Variants in LRBA observed in about 807,000 individuals in gnomAD.
The protein encoded by LRBA is lipopolysaccharide-responsive and beige-like anchor protein.
Under a neutral mutation model 330.0 loss-of-function variants are expected in LRBA, and 176 were observed. The ratio of observed to expected loss-of-function variants is 0.53; its 90% CI spans 0.47 to 0.60. The LOEUF (loss-of-function observed/expected upper bound fraction) is 0.60. Ranked by LOEUF, LRBA falls within the 20% of genes least tolerant of loss-of-function variation. LRBA has a pLI of 0.00. For missense variants in LRBA, 3,259 were observed against 3,444.8 expected (o/e 0.95, Z 1.35); for synonymous variants, 1,230 against 1,193.0 (o/e 1.03, Z -0.64).
At chr4:150,539,560 T>C (rs952108935) in intron 40 of LRBA, among the ~76,000 whole-genome samples, 1 of 152,216 alleles carries the variant, frequency 6.6e-6, no homozygotes, top group Non-Finnish European at 1.5e-5. Flanking sequence ...AGTAGTCTTA[T>C]AAAGTCGAAA....
chr4:150,457,673 T>A (rs556145147), intron 44 of LRBA, among the ~76,000 whole-genome samples: 1 of 151,754 alleles, frequency 6.6e-6, no homozygotes, highest in East Asian at 1.9e-4. Flanking sequence ...TAAAAAAAAA[T>A]AGCCAAATCA....
At chr4:150,756,089 T>G (rs1734258932) in intron 35 of LRBA, among the ~76,000 whole-genome samples, 1 of 150,640 alleles carries the variant, frequency 6.6e-6, no homozygotes, top group South Asian at 2.1e-4. Flanking sequence ...GGATTTGCAC[T>G]TATTTTTCAA....
chr4:150,472,756 T>C (rs77369615), intron 42 of LRBA, among the ~76,000 whole-genome samples: 3,880 of 152,222 alleles, frequency 0.025, 152 homozygotes, highest in African/African-American at 0.088. Context: ...TGTAGTCTTT[T>C]GTGTCAGGTT....
chr4:150,944,957 A>G (rs1736087057), intron 2 of LRBA, among the ~76,000 whole-genome samples: 2 of 152,222 alleles, frequency 1.3e-5, no homozygotes. Context: ...CCTGCCGCAT[A>G]TAAGACGTGC....
At chr4:150,912,550 C>T (rs1230602306) in intron 9 of LRBA, among the ~76,000 whole-genome samples, 1 of 152,118 alleles carries the variant, frequency 6.6e-6, no homozygotes, top group Non-Finnish European at 1.5e-5. Context: ...GTAATAATAA[C>T]AGAAATAAAG....
intron 48 of LRBA, among the ~76,000 whole-genome samples, chr4:150,348,458 A>C (rs973735055): frequency 6.6e-6 from 1 of 152,230 alleles, no homozygotes; most frequent in Non-Finnish European, 1.5e-5. Context: ...AGAACATTAC[A>C]GAATTTCAAA....
chr4:150,394,117 G>C (rs1227205645), intron 47 of LRBA, among the ~76,000 whole-genome samples: 1 of 152,076 alleles, frequency 6.6e-6, no homozygotes, highest in Non-Finnish European at 1.5e-5. Flanking sequence ...CTTTGCCTTA[G>C]AGGCCTTGTG....
At chr4:150,422,989 G>A in intron 46 of LRBA, 1 of 781,936 alleles carries the variant, frequency 1.3e-6, no homozygotes, top group Admixed American at 1.7e-5. Context: ...GTCCAATGGT[G>A]TATAAGTGAC....
intron 36 of LRBA, among the ~76,000 whole-genome samples, chr4:150,711,392 C>A (rs1181222940): frequency 1.3e-5 from 2 of 152,004 alleles, no homozygotes; most frequent in African/African-American, 4.8e-5. Flanking sequence ...TGCACCACCA[C>A]ACCCAGCTAA....
At chr4:150,662,162 C>A (rs901450847) in intron 37 of LRBA, among the ~76,000 whole-genome samples, 1 of 152,104 alleles carries the variant, frequency 6.6e-6, no homozygotes, top group Non-Finnish European at 1.5e-5. Flanking sequence ...TAATTATTTT[C>A]TTTTCACAGA....
At chr4:150,484,037 T>C (rs1435743429) in intron 42 of LRBA, among the ~76,000 whole-genome samples, 1 of 152,028 alleles carries the variant, frequency 6.6e-6, no homozygotes. Context: ...GCTGTTTTTT[T>C]CCTCATAGAT....
At position 150,816,569 on chromosome 4, in the gene LRBA, T is replaced by A. The variant is rs548702327; in HGVS notation, c.5305+555A>T. On this transcript the variant is annotated intron_variant, in intron 31 of 56. Transcript: ENST00000651943. ...ATGTAGAAGGAGAGATGGACAAAAATAAAAGTGCTATAGGAGGAAATGAAC... is the reference window on the plus strand; with the variant it reads ...ATGTAGAAGGAGAGATGGACAAAAAAAAAAGTGCTATAGGAGGAAATGAAC... Among the ~76,000 whole-genome samples the A allele has an allele frequency of 7.2e-5, 11 of 151,930 alleles. No homozygotes were observed. In the East Asian group the frequency reaches 2.1e-3, roughly 29 times the overall value.
At position 150,599,082 on chromosome 4, in the gene LRBA, G is replaced by A. The variant is rs568717996; in HGVS notation, c.5971C>T (p.Arg1991Cys). The change falls in exon 38 of 57, where the codon CGC (arginine) becomes TGC (cysteine). Residue 1991 changes from arginine (R) to cysteine (C), a missense_variant. By Grantham distance (180) the Arg-to-Cys change is radical. Transcript: ENST00000651943. ...GGGTTACGCACAAATCGTCGCCGGC[G>A]CCGCAAGTCATCTTCCCAGTAGTCA... Reference protein sequence around the residue: ...RLDYWEDDLRRRRRFVRNPLG... With the variant: ...RLDYWEDDLRCRRRFVRNPLG... The A allele has an allele frequency of 3.1e-6, 5 of 1,614,044 alleles. No homozygotes were observed. Among genetic ancestry groups the A allele is most frequent in the South Asian group, 2.2e-5 (2 of 91,082 alleles).
chr4:150,536,563 G>T (rs1333792725), intron 40 of LRBA, among the ~76,000 whole-genome samples: 1 of 152,158 alleles, frequency 6.6e-6, no homozygotes, highest in Non-Finnish European at 1.5e-5. Context: ...TCTGCAAAAA[G>T]TTAGTGTGTT....
At position 150,867,960 on chromosome 4, in the gene LRBA, C is replaced by G. The variant is rs1310943341; in HGVS notation, c.2574-97G>C. Reference sequence around the variant, plus strand: ...ACAAAATAACCCTGCCCCTCCCTTTCCCCCCGAAAAAGAAACACATTTAGT... The same window carrying G: ...ACAAAATAACCCTGCCCCTCCCTTTGCCCCCGAAAAAGAAACACATTTAGT... On this transcript the variant is annotated intron_variant, in intron 21 of 56. Coordinates refer to ENST00000651943, the MANE Select transcript of LRBA (RefSeq NM_001364905.1). 1.9e-5 allele frequency: 20 copies of G among 1,063,808 alleles called. No homozygotes were observed. The East Asian group carries it at 4.9e-4, about 26-fold the overall frequency. 65.9% of individuals were successfully genotyped at this position (1,063,808 alleles called of 1,614,324 possible).
At chr4:150,388,627 T>A (rs570693588) in intron 47 of LRBA, among the ~76,000 whole-genome samples, 10 of 152,196 alleles carry the variant, frequency 6.6e-5, no homozygotes, top group Non-Finnish European at 1.3e-4. Context: ...ATAGAAGAAG[T>A]AGGAAATTGT....
At chr4:150,309,972 T>C (rs1730843394) in intron 52 of LRBA, among the ~76,000 whole-genome samples, 1 of 152,182 alleles carries the variant, frequency 6.6e-6, no homozygotes, top group Non-Finnish European at 1.5e-5. Context: ...TCAAAATGAA[T>C]CATTTATTCT....
rs533284392 is a variant in LRBA at position 150,966,390 on chromosome 4, C to T, written c.217-37325G>A. Among the ~76,000 whole-genome samples, 477 of 151,406 alleles carry T rather than the reference C, an allele frequency of 3.2e-3. 2 individuals carry two copies. Among genetic ancestry groups the T allele is most frequent in the Middle Eastern group, 0.01 (3 of 292 alleles). On this transcript the variant is annotated intron_variant, in intron 2 of 56. Transcript: ENST00000651943. Reference sequence around the variant, plus strand: ...TGGCATGATCTTGACATACTGCAAGCTCTGCCTCCCAGGTTCAAAGCCATT... The same window carrying T: ...TGGCATGATCTTGACATACTGCAAGTTCTGCCTCCCAGGTTCAAAGCCATT...
intron 33 of LRBA, among the ~76,000 whole-genome samples, chr4:150,798,909 G>A (rs6838286): frequency 6.6e-6 from 1 of 152,014 alleles, no homozygotes; most frequent in East Asian, 1.9e-4. Context: ...TTTTTTATTC[G>A]ACATTTTTCT....
Sources: allele counts gnomAD v4.1 joint callset (sites outside exome capture counted in the v4.1 genomes callset), GRCh38; gene constraint gnomAD v4.1.1; transcripts MANE v1.5; gene names NCBI Gene and HGNC (gene_info 2026-07-23, HGNC 2026-07-21).